Variants in ZCCHC9 observed in about 807,000 individuals in gnomAD.
ZCCHC9 encodes the protein zinc finger CCHC-type containing 9, also known as zinc finger CCHC domain-containing protein 9.
ZCCHC9 carries 18 observed loss-of-function variants against 30.8 expected under a neutral mutation model. The observed-to-expected ratio is 0.58, with a 90% confidence interval of 0.40 to 0.87. The LOEUF is 0.87. ZCCHC9 is among the 40% of genes least tolerant of loss of function. ZCCHC9 has a pLI of 0.00. For synonymous variants in ZCCHC9, 94 were observed against 106.7 expected, an observed-to-expected ratio of 0.88 and a Z score of 0.73; for missense variants, 279 against 331.2, an observed-to-expected ratio of 0.84 and a Z score of 1.22.
In ZCCHC9 at chr5:81,305,052, G is replaced by A. The variant is rs1365776224; in HGVS notation, c.295G>A (p.Val99Ile). Residue 99 changes from valine to isoleucine, a missense_variant, in exon 2 of 6, where the codon GTA becomes ATA. Transcript: ENST00000407610. ...AATTATAGCAACAGACAGTGAGGAAGTAAGGGAAGAAATTGCAGTTGCTTT... is the reference window on the plus strand; with the variant it reads ...AATTATAGCAACAGACAGTGAGGAAATAAGGGAAGAAATTGCAGTTGCTTT... ...GQIIATDSEE[V>I]REEIAVALKK... The A allele has an allele frequency of 5.0e-6, 8 of 1,613,886 alleles. No homozygotes were observed. The highest frequency in any genetic ancestry group is 1.7e-5 in the Admixed American group (1 of 59,954).
intron 2 of ZCCHC9, chr5:81,308,279 T>C (rs1318789209): frequency 3.0e-5 from 8 of 265,586 alleles, no homozygotes; most frequent in Non-Finnish European, 4.9e-5. Context: ...CCATATTTGC[T>C]CAATTCATTT....
At chr5:81,310,285 G>A (rs1054204166) in intron 4 of ZCCHC9, among the ~76,000 whole-genome samples, 2 of 151,954 alleles carry the variant, frequency 1.3e-5, no homozygotes, top group Admixed American at 6.6e-5. Flanking sequence ...ACAATAAGGG[G>A]CTTTCTGCGA....
Position 81,311,267 on chromosome 5 carries a change from A to G in ZCCHC9, c.685A>G (p.Ser229Gly). The G allele has an allele frequency of 2.5e-6, 4 of 1,614,114 alleles. No homozygotes were observed. Among genetic ancestry groups the G allele is most frequent in the Non-Finnish European group, 3.4e-6 (4 of 1,179,952 alleles). ...VEHLKKDCPE[S>G]QNSERMVTVG... ...ACATTTAAAGAAAGATTGCCCTGAA[A>G]GTCAGAATTCAGGTGAGATCTCTGG... The change falls in exon 5 of 6, where the codon AGT becomes GGT. Residue 229 changes from serine (S) to glycine (G), a missense_variant. Physicochemically the swap from Ser to Gly is moderately conservative, Grantham distance 56. Coordinates refer to ENST00000407610, the MANE Select transcript of ZCCHC9 (RefSeq NM_001131035.2).
At position 81,307,994 on chromosome 5, in the gene ZCCHC9, C is replaced by CA. The variant is rs11322486; in HGVS notation, c.385-538dup. Among the ~76,000 whole-genome samples the CA allele has an allele frequency of 3.5e-3, 106 of 30,306 alleles. 15 individuals are homozygous for CA. Among genetic ancestry groups the CA allele is most frequent in the African/African-American group, 0.013 (93 of 7,270 alleles). 19.9% of individuals were successfully genotyped at this position (30,306 alleles called of 152,430 possible). On this transcript the variant is annotated intron_variant, in intron 2 of 5. Coordinates refer to ENST00000407610, the MANE Select transcript of ZCCHC9 (RefSeq NM_001131035.2). ...TGGGTGATGGAGTAAGACTCCGTCTCAAAAAAAAAAAAAAAAAAAAAAAAA... is the reference window on the plus strand; with the variant it reads ...TGGGTGATGGAGTAAGACTCCGTCTCAAAAAAAAAAAAAAAAAAAAAAAAAA...
At chr5:81,311,611 A>T (rs972661478) in intron 5 of ZCCHC9, among the ~76,000 whole-genome samples, 2 of 152,228 alleles carry the variant, frequency 1.3e-5, no homozygotes, top group Non-Finnish European at 2.9e-5. Context: ...CTGAGAAAAT[A>T]AAAAATATGA....
Position 81,304,973 on chromosome 5 carries a change from G to A in ZCCHC9, c.216G>A (p.Val72=). ...KKKKEYLNED[V]NGFMEYLRQN... ...AAAAAGAGTACTTAAATGAAGATGT[G>A]AATGGATTCATGGAATACCTAAGAC... The change falls in exon 2 of 6, where the codon GTG becomes GTA. Residue 72 remains valine (V), a synonymous_variant. Coordinates refer to ENST00000407610, the MANE Select transcript of ZCCHC9 (RefSeq NM_001131035.2). 1 of 1,614,052 alleles carries A rather than the reference G, an allele frequency of 6.2e-7. No individual in the cohort carries two copies. The highest frequency in any genetic ancestry group is 8.5e-7 in the Non-Finnish European group (1 of 1,179,996).
chr5:81,302,341 A>T (rs1757981433), intron 1 of ZCCHC9: 1 of 152,220 alleles, frequency 6.6e-6, no homozygotes, highest in African/African-American at 2.4e-5. Flanking sequence ...GCGTGGTGGC[A>T]CGCGCCTGTA....
rs181664643 is a variant in ZCCHC9 at position 81,308,191 on chromosome 5, T to C, written c.385-370T>C. 5.9e-5 allele frequency among the ~76,000 whole-genome samples: 9 copies of C among 152,166 alleles called. No homozygotes were observed. The East Asian group carries it at 1.7e-3, about 29-fold the overall frequency. On this transcript the variant is annotated intron_variant, in intron 2 of 5. Transcript: ENST00000407610. ...TACAAATACAAATTTTGAGTGACAGTTTTTATAGCCACTGTCCATTTCCTA... is the reference window on the plus strand; with the variant it reads ...TACAAATACAAATTTTGAGTGACAGCTTTTATAGCCACTGTCCATTTCCTA...
intron 1 of ZCCHC9, 61 bp from the exon 2 acceptor site, chr5:81,304,680 T>C: frequency 6.9e-7 from 1 of 1,451,358 alleles, no homozygotes; most frequent in East Asian, 2.3e-5. Context: ...CATGTCTCTT[T>C]AGTTTTGTTG....
chr5:81,304,747 C>T lies in ZCCHC9; in HGVS notation c.-11C>T, dbSNP rs910997140. ...TGTCTTAAAAATTGATAAGGTACCACTGATGAAATTATGACCAGGTGGGCC... is the reference window on the plus strand; with the variant it reads ...TGTCTTAAAAATTGATAAGGTACCATTGATGAAATTATGACCAGGTGGGCC... On this transcript the variant is annotated 5_prime_UTR_variant, in exon 2 of 6. Coordinates refer to ENST00000407610, the MANE Select transcript of ZCCHC9 (RefSeq NM_001131035.2). 5.1e-6 allele frequency: 8 copies of T among 1,563,218 alleles called. No homozygotes were observed. Among genetic ancestry groups the T allele is most frequent in the Non-Finnish European group, 6.9e-6 (8 of 1,158,606 alleles).
At chr5:81,306,768 A>G (rs1758093516) in intron 2 of ZCCHC9, among the ~76,000 whole-genome samples, 2 of 152,200 alleles carry the variant, frequency 1.3e-5, no homozygotes, top group Admixed American at 6.5e-5. Context: ...GGACCATTCA[A>G]AAATGTTGTA....
intron 2 of ZCCHC9, among the ~76,000 whole-genome samples, chr5:81,307,778 C>G (rs991850549): frequency 6.6e-6 from 1 of 151,708 alleles, no homozygotes; most frequent in Non-Finnish European, 1.5e-5. Context: ...GGGTGGATCA[C>G]CTGAGGTCAG....
rs753771654 is a variant in ZCCHC9 at position 81,305,060 on chromosome 5, A to G, written c.303A>G (p.Glu101=). 5.0e-6 allele frequency: 8 copies of G among 1,612,364 alleles called. No homozygotes were observed. The African/African-American group carries it at 1.1e-4, about 22-fold the overall frequency. ...CAACAGACAGTGAGGAAGTAAGGGA[A>G]GAAATTGCAGTTGCTTTAAAGAAAG... The part of the protein sequence containing the change: ...IIATDSEEVR[E]EIAVALKKDS... The change falls in exon 2 of 6, where the codon GAA becomes GAG. Residue 101 remains glutamate, a synonymous_variant. Coordinates refer to ENST00000407610, the MANE Select transcript of ZCCHC9 (RefSeq NM_001131035.2).
At chr5:81,301,860 C>G (rs1452515198) in intron 1 of ZCCHC9, 162 bp downstream of exon 1, 1 of 152,544 alleles carries the variant, frequency 6.6e-6, no homozygotes, top group East Asian at 1.9e-4. Context: ...CTGTTGGGCT[C>G]CGGCTGCTGG....
intron 5 of ZCCHC9, among the ~76,000 whole-genome samples, chr5:81,312,164 G>A (rs947346518): frequency 2.6e-5 from 4 of 152,294 alleles, no homozygotes; most frequent in African/African-American, 4.8e-5. Flanking sequence ...AGACTGACAA[G>A]CAGATGTTGT....
chr5:81,309,432 A>G (rs548050696), intron 4 of ZCCHC9, among the ~76,000 whole-genome samples: 10 of 152,298 alleles, frequency 6.6e-5, no homozygotes, highest in African/African-American at 2.2e-4. Context: ...ATGATTCAAT[A>G]TTGTAGTAAT....
rs185561380 is a variant in ZCCHC9, at chr5:81,308,507, A to G, written c.385-54A>G. The G allele has an allele frequency of 6.1e-6, 9 of 1,485,488 alleles. No homozygotes were observed. The Admixed American group carries it at 2.2e-4, about 37-fold the overall frequency. 92.0% of individuals were successfully genotyped at this position (1,485,488 alleles called of 1,614,324 possible). Reference sequence around the variant, plus strand: ...AATATGTTTTTGATAACAAGAATTAATAAAGTCACTGGTATAGTTTTGCAG... The same window carrying G: ...AATATGTTTTTGATAACAAGAATTAGTAAAGTCACTGGTATAGTTTTGCAG... On this transcript the variant is annotated intron_variant, in intron 2 of 5. Transcript: ENST00000407610.
Position 81,306,649 on chromosome 5 carries a change from G to A in ZCCHC9, c.384+1508G>A, listed in dbSNP as rs142513164. Among the ~76,000 whole-genome samples, 453 of 152,106 alleles carry A rather than the reference G, an allele frequency of 3.0e-3. 3 individuals carry two copies. The highest frequency in any genetic ancestry group is 1.0e-2 in the African/African-American group (414 of 41,474). ...ACCTGTTGTTAAATTTACTTCCTTG[G>A]TATTTTTTTAATACCTTATACTAAG... On this transcript the variant is annotated intron_variant, in intron 2 of 5. Coordinates refer to ENST00000407610, the MANE Select transcript of ZCCHC9 (RefSeq NM_001131035.2).
At position 81,313,113 on chromosome 5, in the gene ZCCHC9, G is replaced by C. The variant is rs114326982; in HGVS notation, c.*451G>C. On this transcript the variant is annotated 3_prime_UTR_variant, in exon 6 of 6. Transcript: ENST00000407610. ...TAGAAAGTCTATATTTTTAAAGTAC[G>C]GAATAAAAATATGTTTTCTATTAAG... The C allele has an allele frequency of 1.3e-5, 2 of 152,072 alleles. No homozygotes were observed. The highest frequency in any genetic ancestry group is 2.9e-5 in the Non-Finnish European group (2 of 68,070). 9.4% of individuals were successfully genotyped at this position (152,072 alleles called of 1,614,324 possible).
Sources: gnomAD v4.1 joint callset for allele counts (sites outside exome capture counted in the v4.1 genomes callset) on GRCh38, gnomAD v4.1.1 for gene constraint, MANE v1.5 for transcripts, NCBI Gene and HGNC (gene_info 2026-07-23, HGNC 2026-07-21) for gene names.